Variants in RORA observed in about 807,000 individuals in gnomAD.
RORA encodes the protein RAR related orphan receptor A.
Under a neutral mutation model 69.5 loss-of-function variants are expected in RORA, and 7 were observed. The ratio of observed to expected loss-of-function variants is 0.10; its 90% CI spans 0.06 to 0.19. The LOEUF (loss-of-function observed/expected upper bound fraction) is 0.19. Among genes scored for constraint, RORA ranks in the 10% least tolerant of loss-of-function variants. The probability of loss-of-function intolerance (pLI) is 1.00; values close to 1 mark genes in which losing one functional copy is unlikely to be tolerated. For missense variants in RORA, 457 were observed against 663.0 expected, an observed-to-expected ratio of 0.69 and a Z score of 3.41; for synonymous variants, 261 against 240.8, an observed-to-expected ratio of 1.08 and a Z score of -0.78.
At chr15:61,189,213 T>C (rs2079772800) in intron 1 of RORA, among the ~76,000 whole-genome samples, 1 of 152,182 alleles carries the variant, frequency 6.6e-6, no homozygotes, top group Non-Finnish European at 1.5e-5. Flanking sequence ...ATAAACGCAT[T>C]TTTACATTCA....
At chr15:60,676,553 C>A (rs1459702286) in intron 2 of RORA, among the ~76,000 whole-genome samples, 4 of 152,210 alleles carry the variant, frequency 2.6e-5, no homozygotes, top group Non-Finnish European at 4.4e-5. Flanking sequence ...AGCTTTAAGT[C>A]TTTCTACATT....
chr15:60,911,761 G>A (rs1891726300), intron 1 of RORA, among the ~76,000 whole-genome samples: 1 of 148,894 alleles, frequency 6.7e-6, no homozygotes, highest in Non-Finnish European at 1.5e-5. Context: ...GTGCAATGGT[G>A]CAATTTCGGT....
intron 3 of RORA, chr15:60,519,827 TAAACAAACAAAC>T (rs60817920): frequency 6.6e-5 from 10 of 151,828 alleles, no homozygotes; most frequent in African/African-American, 9.7e-5. Context: ...CTAGCTCATT[TAAACAAACAAAC>T]AAACAAACAA....
intron 2 of RORA, among the ~76,000 whole-genome samples, chr15:60,547,507 A>T (rs1223392002): frequency 2.0e-5 from 3 of 151,546 alleles, no homozygotes; most frequent in Non-Finnish European, 4.4e-5. Flanking sequence ...TTGTATTTTT[A>T]GTAGAGACGG....
intron 1 of RORA, among the ~76,000 whole-genome samples, chr15:60,911,689 G>A (rs1814691351): frequency 7.1e-6 from 1 of 141,106 alleles, no homozygotes; most frequent in African/African-American, 2.6e-5. Context: ...AAAGTGTCAG[G>A]TAACGGATTT....
At chr15:61,048,809 G>A (rs532034262) in intron 1 of RORA, among the ~76,000 whole-genome samples, 2 of 152,212 alleles carry the variant, frequency 1.3e-5, no homozygotes, top group African/African-American at 4.8e-5. Flanking sequence ...CTCTTCAAGT[G>A]CCGGCCATTT....
intron 1 of RORA, among the ~76,000 whole-genome samples, chr15:61,164,655 T>A (rs2079525767): frequency 6.6e-6 from 1 of 152,186 alleles, no homozygotes; most frequent in Admixed American, 6.5e-5. Context: ...CATCTTTTTT[T>A]TTCTCAACCT....
At chr15:61,216,857 C>A (rs2080045299) in intron 1 of RORA, among the ~76,000 whole-genome samples, 1 of 152,182 alleles carries the variant, frequency 6.6e-6, no homozygotes, top group South Asian at 2.1e-4. Flanking sequence ...ACAGCACACA[C>A]CTGGGTCTTG....
chr15:60,742,149 A>G (rs1482453951), intron 1 of RORA, among the ~76,000 whole-genome samples: 2 of 152,166 alleles, frequency 1.3e-5, no homozygotes, highest in Non-Finnish European at 2.9e-5. Flanking sequence ...ATTGGGAGTT[A>G]TTATCTTCAA....
chr15:60,837,854 T>C (rs553071737), intron 1 of RORA, among the ~76,000 whole-genome samples: 1 of 152,252 alleles, frequency 6.6e-6, no homozygotes, highest in South Asian at 2.1e-4. Context: ...AATTGAGTTG[T>C]CCGCTTTGCA....
At chr15:60,544,068 C>A (rs1021814314) in intron 2 of RORA, among the ~76,000 whole-genome samples, 2 of 152,146 alleles carry the variant, frequency 1.3e-5, no homozygotes, top group Non-Finnish European at 2.9e-5. Flanking sequence ...CTACAGGGTT[C>A]GGAGGCTCTC....
intron 1 of RORA, among the ~76,000 whole-genome samples, chr15:61,172,518 C>A (rs1217517749): frequency 6.6e-6 from 1 of 152,156 alleles, no homozygotes; most frequent in Non-Finnish European, 1.5e-5. Flanking sequence ...CCCACAGATG[C>A]TCCACCAGGG....
intron 2 of RORA, among the ~76,000 whole-genome samples, chr15:60,600,423 T>G (rs1175915041): frequency 6.6e-6 from 1 of 152,232 alleles, no homozygotes; most frequent in Non-Finnish European, 1.5e-5. Context: ...ATGTCAATAG[T>G]GGTTTTGATG....
At chr15:60,983,443 T>C (rs28580534) in intron 1 of RORA, among the ~76,000 whole-genome samples, 32,039 of 152,078 alleles carry the variant, frequency 0.21, 3,585 homozygotes, top group African/African-American at 0.27. Context: ...TTACATTCTA[T>C]AGAGAATCCT....
chr15:60,511,969 G>C lies in RORA; in HGVS notation c.425-348C>G, dbSNP rs1478631200. On this transcript the variant is annotated intron_variant, in intron 4 of 10. Coordinates refer to ENST00000335670, the MANE Select transcript of RORA (RefSeq NM_134261.3). This position sits in a 1 kb window ranked among gnomAD's most constrained non-coding sequence, Gnocchi z 6.4. ...GGCTTGTTCACTCTCCCCCCGTGCA[G>C]CTGGCTTAGGCTACCTCTTTCTCTC... 1 of 228,248 alleles carries C rather than the reference G, an allele frequency of 4.4e-6. No individual in the cohort carries two copies. Among genetic ancestry groups the C allele is most frequent in the Non-Finnish European group, 8.7e-6 (1 of 115,006 alleles). The allele number at this position is 228,248 out of a possible 1,614,324, so 14.1% of individuals were successfully genotyped here.
At chr15:60,836,773 T>C (rs1030156045) in intron 1 of RORA, among the ~76,000 whole-genome samples, 11 of 152,156 alleles carry the variant, frequency 7.2e-5, no homozygotes, top group African/African-American at 2.7e-4. Context: ...ATAGCTCATG[T>C]CCATTAGTCA....
intron 1 of RORA, among the ~76,000 whole-genome samples, chr15:60,725,120 G>A (rs2071340634): frequency 6.6e-6 from 1 of 152,160 alleles, no homozygotes; most frequent in Non-Finnish European, 1.5e-5. Flanking sequence ...TTTCAATCTA[G>A]TTTACCATAT....
intron 1 of RORA, among the ~76,000 whole-genome samples, chr15:61,114,230 C>T (rs1035023915): frequency 2.0e-5 from 3 of 152,108 alleles, no homozygotes; most frequent in African/African-American, 7.2e-5. Flanking sequence ...CATCTCATCC[C>T]TCTCCCCCAA....
intron 2 of RORA, among the ~76,000 whole-genome samples, chr15:60,644,465 A>C (rs1360682041): frequency 1.3e-5 from 2 of 152,214 alleles, no homozygotes; most frequent in Non-Finnish European, 2.9e-5. Context: ...TCTTCATTAG[A>C]AGGGCAACTT....
Sources: gnomAD v4.1 joint callset for allele counts (sites outside exome capture counted in the v4.1 genomes callset) on GRCh38, gnomAD v4.1.1 for gene constraint, Gnocchi (gnomAD v3.1) non-coding constraint, MANE v1.5 for transcripts, NCBI Gene and HGNC (gene_info 2026-07-23, HGNC 2026-07-21) for gene names.